Variants in LRMDA observed in about 807,000 individuals in gnomAD.
The protein encoded by LRMDA is leucine rich melanocyte differentiation associated.
In LRMDA, 18 loss-of-function variants were observed where a neutral mutation model predicts 29.8. The observed-to-expected ratio is 0.60, with a 90% CI of 0.42 to 0.90. The LOEUF (loss-of-function observed/expected upper bound fraction) is 0.90, where lower values mean the gene tolerates loss of function less well. LRMDA is among the 40% of genes least tolerant of loss of function. LRMDA has a pLI of 0.00. For synonymous variants in LRMDA, 125 were observed against 109.4 expected (o/e 1.14, Z -0.89); for missense variants, 273 against 273.9 (o/e 1.00, Z 0.02).
At chr10:75,506,378 G>T (rs1177411023) in intron 2 of LRMDA, among the ~76,000 whole-genome samples, 2 of 152,110 alleles carry the variant, frequency 1.3e-5, no homozygotes. Context: ...AGCAAAGCTG[G>T]GATTTCCAAA....
intron 6 of LRMDA, among the ~76,000 whole-genome samples, chr10:76,493,074 A>G (rs1373852122): frequency 3.3e-5 from 5 of 152,180 alleles, no homozygotes; most frequent in East Asian, 3.9e-4. Flanking sequence ...ATCAGCAGGT[A>G]TAAATCCAGC....
intron 4 of LRMDA, among the ~76,000 whole-genome samples, chr10:76,053,855 C>G (rs1467515767): frequency 6.6e-6 from 1 of 152,176 alleles, no homozygotes; most frequent in African/African-American, 2.4e-5. Context: ...TGGTTCTCAG[C>G]AGGACTAGCA....
At chr10:76,155,059 G>C (rs1850513508) in intron 5 of LRMDA, among the ~76,000 whole-genome samples, 1 of 152,104 alleles carries the variant, frequency 6.6e-6, no homozygotes, top group Admixed American at 6.6e-5. Flanking sequence ...AAAAAACCTA[G>C]CAGTGTATTT....
At chr10:76,105,449 ATTAAG>A (rs1340961006) in intron 5 of LRMDA, among the ~76,000 whole-genome samples, 17 of 152,222 alleles carry the variant, frequency 1.1e-4, no homozygotes, top group East Asian at 3.9e-4. Flanking sequence ...TACACATGTA[ATTAAG>A]TTAAGAAGTC....
chr10:76,042,809 G>A (rs1433427073), intron 3 of LRMDA, among the ~76,000 whole-genome samples: 1 of 152,104 alleles, frequency 6.6e-6, no homozygotes, highest in African/African-American at 2.4e-5. Flanking sequence ...AAATAGTTTA[G>A]AAATGTTTCT....
intron 2 of LRMDA, among the ~76,000 whole-genome samples, chr10:75,779,227 G>A (rs967819488): frequency 4.6e-5 from 7 of 152,056 alleles, no homozygotes; most frequent in African/African-American, 1.7e-4. Flanking sequence ...TTTCAGTTTT[G>A]GATGAATTAA....
chr10:76,135,710 T>TAGAAG, intron 5 of LRMDA, among the ~76,000 whole-genome samples: 1 of 152,122 alleles, frequency 6.6e-6, no homozygotes, highest in East Asian at 1.9e-4. Flanking sequence ...ATGGCATTTT[T>TAGAAG]ACTCTGTCTT....
intron 5 of LRMDA, among the ~76,000 whole-genome samples, chr10:76,198,533 A>T (rs1056408249): frequency 6.6e-6 from 1 of 152,236 alleles, no homozygotes; most frequent in African/African-American, 2.4e-5. Context: ...ATAATGCTGA[A>T]GAAGACTAAT....
chr10:76,335,665 G>T (rs1307724626), intron 6 of LRMDA, among the ~76,000 whole-genome samples: 2 of 152,116 alleles, frequency 1.3e-5, no homozygotes, highest in Admixed American at 6.5e-5. Context: ...AACTTTAAGT[G>T]GGGGGAGCTT....
At chr10:76,109,421 A>AT in intron 5 of LRMDA, among the ~76,000 whole-genome samples, 1 of 152,064 alleles carries the variant, frequency 6.6e-6, no homozygotes, top group Admixed American at 6.5e-5. Context: ...GATGCCATCA[A>AT]TTTTTTCGTC....
intron 5 of LRMDA, among the ~76,000 whole-genome samples, chr10:76,190,567 C>T (rs979227698): frequency 1.6e-4 from 24 of 152,156 alleles, no homozygotes; most frequent in Non-Finnish European, 7.3e-5. Flanking sequence ...GAGGAGATTC[C>T]TTTCAGTCCC....
chr10:76,439,826 C>G (rs1277276094), intron 6 of LRMDA, among the ~76,000 whole-genome samples: 2 of 152,200 alleles, frequency 1.3e-5, no homozygotes, highest in African/African-American at 4.8e-5. Flanking sequence ...TAAATAGTGT[C>G]ATATCTGAAA....
At chr10:75,566,848 T>TC (rs760763130) in intron 2 of LRMDA, among the ~76,000 whole-genome samples, 19 of 152,150 alleles carry the variant, frequency 1.2e-4, no homozygotes, top group Non-Finnish European at 2.4e-4. Flanking sequence ...AAATACTCCA[T>TC]CCAAACCAAC....
intron 2 of LRMDA, among the ~76,000 whole-genome samples, chr10:75,621,216 ACACACACACCCACACACC>A (rs1343982580): frequency 9.2e-5 from 12 of 130,402 alleles, no homozygotes; most frequent in Non-Finnish European, 1.7e-4. Flanking sequence ...ACACACACAC[ACACACACACCCACACACC>A]CACACACACA....
At chr10:76,456,403 C>T (rs2132304196) in intron 6 of LRMDA, among the ~76,000 whole-genome samples, 1 of 152,198 alleles carries the variant, frequency 6.6e-6, no homozygotes, top group African/African-American at 2.4e-5. Flanking sequence ...CTGGAGCTTC[C>T]CTGGTGACTA....
chr10:76,138,613 G>A (rs1850141004), intron 5 of LRMDA, among the ~76,000 whole-genome samples: 1 of 152,236 alleles, frequency 6.6e-6, no homozygotes, highest in Non-Finnish European at 1.5e-5. Context: ...CTTGTAGATA[G>A]AACAGTTTTC....
At chr10:76,244,799 G>A in intron 5 of LRMDA, among the ~76,000 whole-genome samples, 1 of 152,176 alleles carries the variant, frequency 6.6e-6, no homozygotes, top group East Asian at 1.9e-4. Context: ...AATGCAGGCT[G>A]GGGAAGTCAG....
At chr10:75,681,631 G>C (rs1196269692) in intron 2 of LRMDA, among the ~76,000 whole-genome samples, 1 of 152,152 alleles carries the variant, frequency 6.6e-6, no homozygotes, top group African/African-American at 2.4e-5. Context: ...CCAGAGCCAC[G>C]CCAAATAGCA....
intron 2 of LRMDA, among the ~76,000 whole-genome samples, chr10:75,665,307 A>G (rs1412669307): frequency 6.6e-6 from 1 of 152,204 alleles, no homozygotes. Flanking sequence ...TCCCCCACTG[A>G]GTAACTTGAC....
Sources: allele counts gnomAD v4.1 joint callset (sites outside exome capture counted in the v4.1 genomes callset), GRCh38; gene constraint gnomAD v4.1.1; transcripts MANE v1.5; gene names NCBI Gene and HGNC (gene_info 2026-07-23, HGNC 2026-07-21).